Variants in MYOF observed in about 807,000 individuals in gnomAD.
MYOF encodes myoferlin.
In MYOF, 244 loss-of-function variants were observed where a neutral mutation model predicts 284.2. That is an observed-to-expected ratio of 0.86 (90% confidence interval 0.77 to 0.95). MYOF has a LOEUF of 0.95. Ranked by LOEUF, MYOF falls within the 40% of genes least tolerant of loss-of-function variation. MYOF has a pLI of 0.00. For missense variants in MYOF, 2,496 were observed against 2,560.6 expected (o/e 0.97, Z 0.54); for synonymous variants, 904 against 919.7 (o/e 0.98, Z 0.31).
intron 32 of MYOF, among the ~76,000 whole-genome samples, chr10:93,352,798 GA>G (rs1844582072): frequency 6.6e-6 from 1 of 151,150 alleles, no homozygotes; most frequent in Non-Finnish European, 1.5e-5. Flanking sequence ...ACTTTGGAAA[GA>G]TGTTTTTTTA....
intron 5 of MYOF, among the ~76,000 whole-genome samples, chr10:93,424,414 C>T (rs1030497762): frequency 6.6e-6 from 1 of 152,130 alleles, no homozygotes; most frequent in African/African-American, 2.4e-5. Flanking sequence ...GATGGTGTTA[C>T]TGGTGCTGGC....
intron 49 of MYOF, among the ~76,000 whole-genome samples, chr10:93,317,242 T>C (rs1842653307): frequency 1.9e-5 from 2 of 103,552 alleles, no homozygotes; most frequent in African/African-American, 8.0e-5. Context: ...GATGTCTGAG[T>C]ATGCTCTCAT....
chr10:93,471,700 C>T (rs1278533372), intron 1 of MYOF, among the ~76,000 whole-genome samples: 1 of 152,152 alleles, frequency 6.6e-6, no homozygotes, highest in East Asian at 1.9e-4. Context: ...ACCAGCCTGG[C>T]TAACATGGCA....
chr10:93,448,934 G>T (rs189252189), intron 3 of MYOF, among the ~76,000 whole-genome samples: 221 of 152,280 alleles, frequency 1.5e-3, no homozygotes, highest in Non-Finnish European at 2.4e-3. Flanking sequence ...GGCAGAGGTT[G>T]CAGTGAGCCA....
chr10:93,350,833 T>C (rs894395778), intron 35 of MYOF, among the ~76,000 whole-genome samples: 1 of 152,152 alleles, frequency 6.6e-6, no homozygotes, highest in African/African-American at 2.4e-5. Flanking sequence ...CATTGCTCAC[T>C]GCTCCCATCC....
chr10:93,404,077 G>A lies in MYOF; in HGVS notation c.793-4C>T, dbSNP rs1847428780. On this transcript the variant is annotated splice_polypyrimidine_tract_variant and splice_region_variant and intron_variant, in intron 8 of 53. Coordinates refer to ENST00000359263, the MANE Select transcript of MYOF (RefSeq NM_013451.4). Reference sequence around the variant, plus strand: ...GCAGAGAGTGAGAATTATAAACCTGGAAGAAAGAAGAGTAGTGAAGAAATG... The same window carrying A: ...GCAGAGAGTGAGAATTATAAACCTGAAAGAAAGAAGAGTAGTGAAGAAATG... The A allele has an allele frequency of 6.2e-7, 1 of 1,614,150 alleles. No individual in the cohort carries two copies. The highest frequency in any genetic ancestry group is 8.5e-7 in the Non-Finnish European group (1 of 1,180,008).
At chr10:93,409,498 A>G in intron 6 of MYOF, 75 bp downstream of exon 6, 1 of 1,531,622 alleles carries the variant, frequency 6.5e-7, no homozygotes, top group Non-Finnish European at 8.8e-7. Context: ...AGGTCCACTG[A>G]AACATCACTG....
chr10:93,359,953 A>T lies in MYOF; in HGVS notation c.3000T>A (p.Pro1000=). Residue 1000 remains proline, a synonymous_variant, in exon 29 of 54, where the codon CCT becomes CCA. Coordinates refer to ENST00000359263, the MANE Select transcript of MYOF (RefSeq NM_013451.4). ...EKGWEYGITI[P]PDHKPKSWVA... ...CCCAGGATTTGGGCTTATGATCAGG[A>T]GGAATGGTGATTCCATATTCCCAGC... The T allele has an allele frequency of 6.2e-7, 1 of 1,614,198 alleles. No individual in the cohort carries two copies. The highest frequency in any genetic ancestry group is 8.5e-7 in the Non-Finnish European group (1 of 1,180,028).
chr10:93,391,898 C>T (rs560239442), intron 17 of MYOF, among the ~76,000 whole-genome samples: 45 of 152,296 alleles, frequency 3.0e-4, no homozygotes, highest in Middle Eastern at 3.4e-3. Context: ...TTTCTAGAAT[C>T]CTACATAGCT....
At chr10:93,341,089 C>A (rs1245383515) in intron 38 of MYOF, among the ~76,000 whole-genome samples, 2 of 152,272 alleles carry the variant, frequency 1.3e-5, no homozygotes, top group Non-Finnish European at 2.9e-5. Context: ...TATATCAATT[C>A]TTTCTATTAG....
chr10:93,351,861 G>C lies in MYOF; in HGVS notation c.3482-15C>G. On this transcript the variant is annotated splice_polypyrimidine_tract_variant and intron_variant, in intron 32 of 53. Coordinates refer to ENST00000359263, the MANE Select transcript of MYOF (RefSeq NM_013451.4). Reference sequence around the variant, plus strand: ...AGCATATGGATCTAAAACAGAAAAAGAGAATAACAACGGGGCCACGGCTAA... The same window carrying C: ...AGCATATGGATCTAAAACAGAAAAACAGAATAACAACGGGGCCACGGCTAA... 6.4e-7 allele frequency: 1 copy of C among 1,574,508 alleles called. No homozygotes were observed. Among genetic ancestry groups the C allele is most frequent in the South Asian group, 1.2e-5 (1 of 84,164 alleles).
At chr10:93,374,026 G>A (rs558630091) in intron 23 of MYOF, among the ~76,000 whole-genome samples, 4 of 152,166 alleles carry the variant, frequency 2.6e-5, no homozygotes, top group East Asian at 3.9e-4. Context: ...CTATCCCGCT[G>A]ACAGGCCCCG....
intron 17 of MYOF, among the ~76,000 whole-genome samples, chr10:93,389,555 T>C (rs1390365829): frequency 6.6e-6 from 1 of 152,246 alleles, no homozygotes; most frequent in Non-Finnish European, 1.5e-5. Flanking sequence ...TATTTGTTCT[T>C]CTAAAGTGTC....
Position 93,366,561 on chromosome 10 carries a change from A to T in MYOF, c.2590-6T>A. 1 of 1,586,492 alleles carries T rather than the reference A, an allele frequency of 6.3e-7. No homozygotes were observed. The highest frequency in any genetic ancestry group is 2.2e-5 in the East Asian group (1 of 44,592). ...ATGAGAGCTTGATTTTCATACTATT[A>T]AAAAAGAGATAAAATTGGAGAAACA... On this transcript the variant is annotated splice_region_variant and splice_polypyrimidine_tract_variant and intron_variant, in intron 25 of 53. Coordinates refer to ENST00000359263, the MANE Select transcript of MYOF (RefSeq NM_013451.4).
At chr10:93,417,567 G>T (rs1026011555) in intron 5 of MYOF, among the ~76,000 whole-genome samples, 3 of 151,924 alleles carry the variant, frequency 2.0e-5, no homozygotes, top group Non-Finnish European at 4.4e-5. Flanking sequence ...TCTTCCTCCA[G>T]GCTCCCATAC....
intron 5 of MYOF, among the ~76,000 whole-genome samples, chr10:93,423,629 T>G (rs926642583): frequency 5.4e-5 from 8 of 149,498 alleles, no homozygotes; most frequent in South Asian, 2.1e-4. Flanking sequence ...GTCAGGAGAT[T>G]GAGACCATCC....
At position 93,396,159 on chromosome 10, in the gene MYOF, G is replaced by A. The variant is rs1846999062; in HGVS notation, c.1400C>T (p.Ser467Phe). The A allele has an allele frequency of 6.2e-7, 1 of 1,609,060 alleles. No homozygotes were observed. The highest frequency in any genetic ancestry group is 1.3e-5 in the African/African-American group (1 of 74,674). Residue 467 changes from serine (S) to phenylalanine (F), a missense_variant, in exon 16 of 54, where the codon TCT (serine) becomes TTT (phenylalanine). Physicochemically the swap from Ser to Phe is radical, Grantham distance 155. Coordinates refer to ENST00000359263, the MANE Select transcript of MYOF (RefSeq NM_013451.4). Reference sequence around the variant, plus strand: ...TGACTTACCTTCCACTTCCCCACCAGAGGCAGCAATTTTAGAGAGGTGTAG... The same window carrying A: ...TGACTTACCTTCCACTTCCCCACCAAAGGCAGCAATTTTAGAGAGGTGTAG... ...TYLHLSKIAA[S>F]GGEVEDFSSS...
chr10:93,401,406 A>G lies in MYOF; in HGVS notation c.1117+12T>C, dbSNP rs755085027. The G allele has an allele frequency of 5.0e-6, 8 of 1,612,728 alleles. No homozygotes were observed. The South Asian group carries it at 7.7e-5, about 16-fold the overall frequency. ...ATCAACAATTCTGGGGCAAGATTAAATCAGTACATACTCTGGGGGATGTCC... is the reference window on the plus strand; with the variant it reads ...ATCAACAATTCTGGGGCAAGATTAAGTCAGTACATACTCTGGGGGATGTCC... On this transcript the variant is annotated intron_variant, in intron 12 of 53. Coordinates refer to ENST00000359263, the MANE Select transcript of MYOF (RefSeq NM_013451.4).
At chr10:93,323,500 G>GA in intron 46 of MYOF, 142 bp from the exon 47 acceptor site, 1 of 736,744 alleles carries the variant, frequency 1.4e-6, no homozygotes, top group South Asian at 2.0e-5. Flanking sequence ...GCAAGAAGTG[G>GA]AAGAGAGCAA....
Sources: allele counts gnomAD v4.1 joint callset (sites outside exome capture counted in the v4.1 genomes callset), GRCh38; gene constraint gnomAD v4.1.1; transcripts MANE v1.5; gene names NCBI Gene and HGNC (gene_info 2026-07-23, HGNC 2026-07-21).